The following CTNNA3 variants were observed in gnomAD, a reference collection of about 807,000 sequenced individuals.
CTNNA3 encodes catenin alpha 3.
In CTNNA3, 76 loss-of-function variants were observed where a neutral mutation model predicts 95.7. That is an observed-to-expected ratio of 0.79 (90% CI 0.66 to 0.96). The LOEUF (loss-of-function observed/expected upper bound fraction) is 0.96, where lower values mean the gene tolerates loss of function less well. Ranked by LOEUF, CTNNA3 falls within the 40% of genes least tolerant of loss-of-function variation. The pLI is 0.00. For missense variants in CTNNA3, 1,191 were observed against 1,089.8 expected, an observed-to-expected ratio of 1.09 and a Z score of -1.31; for synonymous variants, 431 against 374.4, an observed-to-expected ratio of 1.15 and a Z score of -1.74.
intron 17 of CTNNA3, among the ~76,000 whole-genome samples, chr10:65,921,154 A>G (rs907847691): frequency 1.3e-5 from 2 of 152,236 alleles, no homozygotes; most frequent in African/African-American, 4.8e-5. Context: ...AATTCTACAA[A>G]TGTTTACGGA....
chr10:67,465,069 C>A (rs1847535635), intron 5 of CTNNA3, among the ~76,000 whole-genome samples: 1 of 147,576 alleles, frequency 6.8e-6, no homozygotes, highest in Non-Finnish European at 1.5e-5. Context: ...TGTCAAGTGC[C>A]ATGGAAGCAT....
At chr10:67,358,535 A>G (rs1842894683) in intron 5 of CTNNA3, among the ~76,000 whole-genome samples, 1 of 152,154 alleles carries the variant, frequency 6.6e-6, no homozygotes, top group Admixed American at 6.6e-5. Flanking sequence ...TGCCAGAACA[A>G]GCTCCTAGTC....
intron 13 of CTNNA3, among the ~76,000 whole-genome samples, chr10:66,236,276 G>C (rs2089849933): frequency 6.6e-6 from 1 of 152,094 alleles, no homozygotes; most frequent in Non-Finnish European, 1.5e-5. Flanking sequence ...TAGATCAGTT[G>C]TCTTACAGAA....
chr10:66,236,382 G>A (rs2089855388), intron 13 of CTNNA3, among the ~76,000 whole-genome samples: 1 of 152,144 alleles, frequency 6.6e-6, no homozygotes, highest in African/African-American at 2.4e-5. Context: ...ATGTGGCAAT[G>A]AAATAGACAG....
intron 5 of CTNNA3, among the ~76,000 whole-genome samples, chr10:67,480,649 A>G (rs1004690751): frequency 2.6e-5 from 4 of 152,206 alleles, no homozygotes; most frequent in Non-Finnish European, 5.9e-5. Flanking sequence ...TGTTTCCTGT[A>G]AGGAATGCTT....
At chr10:67,024,846 G>C (rs1465768351) in intron 7 of CTNNA3, among the ~76,000 whole-genome samples, 1 of 152,028 alleles carries the variant, frequency 6.6e-6, no homozygotes, top group Non-Finnish European at 1.5e-5. Context: ...GAAACCACAA[G>C]AGGCCGGGTG....
At chr10:66,951,555 T>A (rs1209406028) in intron 7 of CTNNA3, among the ~76,000 whole-genome samples, 1 of 152,166 alleles carries the variant, frequency 6.6e-6, no homozygotes, top group Non-Finnish European at 1.5e-5. Context: ...GGCATAGAAA[T>A]TTTAAGTAAT....
At chr10:66,456,858 C>T (rs2093498211) in intron 11 of CTNNA3, among the ~76,000 whole-genome samples, 1 of 152,048 alleles carries the variant, frequency 6.6e-6, no homozygotes, top group South Asian at 2.1e-4. Context: ...CTTTGGCAGG[C>T]CAATGTGTGA....
At chr10:67,682,990 C>A (rs914914297) in intron 1 of CTNNA3, among the ~76,000 whole-genome samples, 1 of 152,182 alleles carries the variant, frequency 6.6e-6, no homozygotes, top group East Asian at 1.9e-4. Flanking sequence ...GATACAAGAT[C>A]AACCTGCATA....
At chr10:66,184,847 A>G (rs2086246431) in intron 13 of CTNNA3, among the ~76,000 whole-genome samples, 1 of 152,224 alleles carries the variant, frequency 6.6e-6, no homozygotes, top group African/African-American at 2.4e-5. Context: ...CTACATAAGT[A>G]TTATTATGGG....
At chr10:66,812,406 A>C (rs1351335701) in intron 7 of CTNNA3, among the ~76,000 whole-genome samples, 1 of 152,190 alleles carries the variant, frequency 6.6e-6, no homozygotes, top group Admixed American at 6.6e-5. Flanking sequence ...TATGACAATA[A>C]TGCTAAATCC....
intron 9 of CTNNA3, among the ~76,000 whole-genome samples, chr10:66,623,220 A>T (rs1844812789): frequency 1.3e-5 from 2 of 152,148 alleles, no homozygotes; most frequent in Admixed American, 6.5e-5. Flanking sequence ...TTTGCAAAAA[A>T]TACTGACCTG....
chr10:66,409,618 C>T (rs978751366), intron 11 of CTNNA3, among the ~76,000 whole-genome samples: 9 of 152,070 alleles, frequency 5.9e-5, no homozygotes, highest in Non-Finnish European at 1.0e-4. Context: ...CAGAACTCAA[C>T]GGATATACTC....
chr10:66,803,430 G>C (rs1841508555), intron 7 of CTNNA3, among the ~76,000 whole-genome samples: 2 of 151,832 alleles, frequency 1.3e-5, no homozygotes, highest in South Asian at 4.1e-4. Flanking sequence ...CTTCTCTCAG[G>C]CAAAGTTAAT....
chr10:66,999,796 C>T lies in CTNNA3; in HGVS notation c.1047+180521G>A, dbSNP rs1033092019. ...TGAATTTTATATCACTGACAGATTA[C>T]TTGACCATCAATTTTTCTGATTTGT... On this transcript the variant is annotated intron_variant, in intron 7 of 17. Coordinates refer to ENST00000433211, the MANE Select transcript of CTNNA3 (RefSeq NM_013266.4). Among the ~76,000 whole-genome samples, 3 of 152,292 alleles carry T rather than the reference C, an allele frequency of 2.0e-5. No homozygotes were observed. In the East Asian group the frequency reaches 5.8e-4, roughly 29 times the overall value.
intron 17 of CTNNA3, among the ~76,000 whole-genome samples, chr10:65,927,951 A>G (rs2077192293): frequency 6.6e-6 from 1 of 152,116 alleles, no homozygotes; most frequent in South Asian, 2.1e-4. Flanking sequence ...ATCCTCAGTC[A>G]CACTTGGTAT....
chr10:66,709,305 A>G (rs1205082541), intron 9 of CTNNA3, among the ~76,000 whole-genome samples: 3 of 152,158 alleles, frequency 2.0e-5, no homozygotes, highest in African/African-American at 7.2e-5. Context: ...ATCTTCCAAA[A>G]GGGGCCTTGA....
chr10:67,288,315 G>C (rs1839689743), intron 5 of CTNNA3, among the ~76,000 whole-genome samples: 1 of 152,184 alleles, frequency 6.6e-6, no homozygotes, highest in Non-Finnish European at 1.5e-5. Flanking sequence ...GATGATGGCT[G>C]TGTGAACTTC....
At chr10:67,564,673 G>GTATA (rs1183217023) in intron 3 of CTNNA3, among the ~76,000 whole-genome samples, 9 of 72,388 alleles carry the variant, frequency 1.2e-4, no homozygotes, top group African/African-American at 7.3e-4. Context: ...ATGTGTGTGT[G>GTATA]TGTGTATATA....
Sources: allele counts gnomAD v4.1 joint callset (sites outside exome capture counted in the v4.1 genomes callset), GRCh38; gene constraint gnomAD v4.1.1; transcripts MANE v1.5; gene names NCBI Gene and HGNC (gene_info 2026-07-23, HGNC 2026-07-21).